Variants in NUP98 observed in about 807,000 individuals in gnomAD.
NUP98 encodes the protein nuclear pore complex protein Nup98-Nup96.
Under a neutral mutation model 191.9 loss-of-function variants are expected in NUP98, and 26 were observed. The ratio of observed to expected loss-of-function variants is 0.14; its 90% CI spans 0.10 to 0.19. The LOEUF (loss-of-function observed/expected upper bound fraction) is 0.19. NUP98 is among the 10% of genes least tolerant of loss of function. NUP98 has a pLI of 1.00. For synonymous variants in NUP98, 808 were observed against 778.4 expected (o/e 1.04, Z -0.63); for missense variants, 1,941 against 2,178.8 (o/e 0.89, Z 2.17).
At chr11:3,789,501 C>CTTTTTTTTTT (rs914589009) in intron 1 of NUP98, among the ~76,000 whole-genome samples, 10 of 123,066 alleles carry the variant, frequency 8.1e-5, no homozygotes, top group South Asian at 2.8e-4. Flanking sequence ...TTACCTATTT[C>CTTTTTTTTTT]TTTTTTTTTT....
At chr11:3,699,511 G>A (rs780130880) in intron 24 of NUP98, among the ~76,000 whole-genome samples, 163 bp from the exon 25 acceptor site, 1 of 152,100 alleles carries the variant, frequency 6.6e-6, no homozygotes, top group Non-Finnish European at 1.5e-5. Flanking sequence ...ACTCAACTTC[G>A]TCTTACAATT....
intron 12 of NUP98, 101 bp from the exon 13 acceptor site, chr11:3,735,425 G>T: frequency 3.4e-6 from 2 of 589,286 alleles, no homozygotes; most frequent in East Asian, 4.0e-5. Flanking sequence ...TTGAAGAAGT[G>T]GTCTTCAAAA....
At position 3,719,689 on chromosome 11, in the gene NUP98, T is replaced by A. The variant is rs187895027; in HGVS notation, c.2261-139A>T. The stretch of plus-strand genomic sequence containing the variant: ...TTAAATAATTCAGCAATTCCTAGAC[T>A]GGTAAGAATGGGGACTTAGGGAGAG... On this transcript the variant is annotated intron_variant, in intron 17 of 32. Coordinates refer to ENST00000324932, the MANE Select transcript of NUP98 (RefSeq NM_016320.5). The A allele has an allele frequency of 3.0e-5, 16 of 525,092 alleles. No individual in the cohort carries two copies. In the East Asian group the frequency reaches 5.3e-4, roughly 17 times the overall value. 32.5% of individuals were successfully genotyped at this position (525,092 alleles called of 1,614,324 possible). A position where few individuals can be genotyped will look rare whatever the true frequency, so the allele number is the denominator to read the frequency against.
intron 20 of NUP98, among the ~76,000 whole-genome samples, chr11:3,707,646 T>C (rs144968153): frequency 1.4e-4 from 20 of 146,094 alleles, no homozygotes; most frequent in African/African-American, 4.6e-4. Context: ...CACATGCCTA[T>C]AATCCCAGCT....
At chr11:3,693,865 C>T (rs1487723204) in intron 26 of NUP98, among the ~76,000 whole-genome samples, 1 of 152,076 alleles carries the variant, frequency 6.6e-6, no homozygotes, top group East Asian at 1.9e-4. Flanking sequence ...AAGAGGTAGG[C>T]AGTGATAAGA....
At chr11:3,777,989 G>A (rs1481100564) in intron 4 of NUP98, among the ~76,000 whole-genome samples, 1 of 151,896 alleles carries the variant, frequency 6.6e-6, no homozygotes, top group East Asian at 1.9e-4. Context: ...ACGAGGTCAG[G>A]AGATCGAGAC....
At chr11:3,702,330 CTCTCT>C (rs1298951581) in intron 23 of NUP98, 128 bp downstream of exon 23, 21 of 74,990 alleles carry the variant, frequency 2.8e-4, no homozygotes, top group South Asian at 9.6e-4. Context: ...CTCTCTCTCT[CTCTCT>C]CTCTCTCTCT....
At chr11:3,731,289 A>T in intron 14 of NUP98, 102 bp downstream of exon 14, 1 of 781,518 alleles carries the variant, frequency 1.3e-6, no homozygotes, top group Non-Finnish European at 1.8e-6. Context: ...AACAAAGTGG[A>T]CTGTATCACA....
rs1254058920 is a variant in NUP98, at chr11:3,698,929, T to C, written c.4009+153A>G. On this transcript the variant is annotated intron_variant, in intron 25 of 32. Transcript: ENST00000324932. ...AAGTTAAATTTTATGTTATATTACA[T>C]ATTCCACGGGAACCAGCAATCTTTC... The C allele has an allele frequency of 6.0e-5, 48 of 802,674 alleles. 1 individual carries two copies. The South Asian group carries it at 7.6e-4, about 13-fold the overall frequency. 49.7% of individuals were successfully genotyped at this position (802,674 alleles called of 1,614,324 possible).
chr11:3,728,144 T>G (rs80085298), intron 14 of NUP98, among the ~76,000 whole-genome samples: 2 of 152,162 alleles, frequency 1.3e-5, no homozygotes, highest in Non-Finnish European at 2.9e-5. Flanking sequence ...AAGGGAACAA[T>G]TGGGGCAAAG....
intron 6 of NUP98, among the ~76,000 whole-genome samples, chr11:3,772,282 G>T (rs2081555388): frequency 6.6e-6 from 1 of 152,144 alleles, no homozygotes; most frequent in Non-Finnish European, 1.5e-5. Context: ...ATTAACATAT[G>T]TAGATTCTGT....
At chr11:3,744,042 G>A (rs1168910105) in intron 12 of NUP98, among the ~76,000 whole-genome samples, 1 of 152,116 alleles carries the variant, frequency 6.6e-6, no homozygotes, top group African/African-American at 2.4e-5. Context: ...TTGGGCAACA[G>A]CGCGAGACTC....
At chr11:3,750,300 T>C (rs1355864988) in intron 11 of NUP98, among the ~76,000 whole-genome samples, 1 of 151,896 alleles carries the variant, frequency 6.6e-6, no homozygotes, top group African/African-American at 2.4e-5. Context: ...TTTGCATTTT[T>C]AGTACAGAGA....
chr11:3,757,870 A>G (rs1374974007), intron 10 of NUP98, among the ~76,000 whole-genome samples: 1 of 152,204 alleles, frequency 6.6e-6, no homozygotes, highest in Non-Finnish European at 1.5e-5. Context: ...GCTTTATTAA[A>G]AACACACATT....
chr11:3,791,460 G>T (rs1307208038), intron 1 of NUP98, among the ~76,000 whole-genome samples: 1 of 143,654 alleles, frequency 7.0e-6, no homozygotes, highest in African/African-American at 2.6e-5. Flanking sequence ...GTGGAACCCA[G>T]AAGGCGGAGG....
chr11:3,688,031 A>T (rs1372913651), intron 28 of NUP98, among the ~76,000 whole-genome samples: 1 of 152,204 alleles, frequency 6.6e-6, no homozygotes, highest in East Asian at 1.9e-4. Flanking sequence ...AAGATGAAAA[A>T]GTTCTGGAGA....
intron 11 of NUP98, among the ~76,000 whole-genome samples, chr11:3,747,719 T>C (rs553194115): frequency 1.3e-5 from 2 of 152,318 alleles, no homozygotes; most frequent in Non-Finnish European, 2.9e-5. Flanking sequence ...TGAGTTTGAA[T>C]CACCATCACT....
chr11:3,698,246 G>C (rs2078572070), intron 25 of NUP98, among the ~76,000 whole-genome samples: 1 of 152,156 alleles, frequency 6.6e-6, no homozygotes, highest in Middle Eastern at 3.2e-3. Flanking sequence ...GGACATATTT[G>C]TATGTATTAC....
At chr11:3,746,161 C>T (rs186802773) in intron 11 of NUP98, among the ~76,000 whole-genome samples, 5 of 149,388 alleles carry the variant, frequency 3.3e-5, no homozygotes, top group Admixed American at 6.7e-5. Context: ...CCCAGCTACT[C>T]GGGAGGCTGA....
Sources: allele counts gnomAD v4.1 joint callset (sites outside exome capture counted in the v4.1 genomes callset), GRCh38; gene constraint gnomAD v4.1.1; transcripts MANE v1.5; gene names NCBI Gene and HGNC (gene_info 2026-07-23, HGNC 2026-07-21).